The following MNAT1 variants were observed in gnomAD, a reference collection of about 807,000 sequenced individuals.
The protein encoded by MNAT1 is MNAT1 component of CDK activating kinase, also known as CDK-activating kinase assembly factor MAT1.
MNAT1 carries 43 observed loss-of-function variants against 42.0 expected under a neutral mutation model. The observed-to-expected ratio is 1.02, with a 90% CI of 0.80 to 1.32. MNAT1 has a LOEUF of 1.32. MNAT1 is among the 40% of genes most tolerant of loss of function. MNAT1 has a pLI of 0.00. For synonymous variants in MNAT1, 118 were observed against 120.0 expected, an observed-to-expected ratio of 0.98 and a Z score of 0.11; for missense variants, 306 against 350.4, an observed-to-expected ratio of 0.87 and a Z score of 1.01.
At chr14:60,904,993 TG>T (rs1281871469) in intron 7 of MNAT1, among the ~76,000 whole-genome samples, 23 of 141,746 alleles carry the variant, frequency 1.6e-4, no homozygotes, top group East Asian at 4.0e-4. Flanking sequence ...TTTTTTTTTT[TG>T]GACGGAGTCT....
At chr14:60,793,619 T>C (rs1401104220) in intron 1 of MNAT1, among the ~76,000 whole-genome samples, 3 of 152,140 alleles carry the variant, frequency 2.0e-5, no homozygotes, top group Non-Finnish European at 4.4e-5. Context: ...GCTATCTTCC[T>C]GCTTTGCCCT....
intron 1 of MNAT1, among the ~76,000 whole-genome samples, chr14:60,758,495 G>A (rs184277036): frequency 1.7e-3 from 255 of 151,920 alleles, no homozygotes; most frequent in Non-Finnish European, 2.9e-3. Flanking sequence ...GAGCCACGTT[G>A]CCTGGTCCAC....
At chr14:60,816,722 A>G (rs1289849264) in intron 5 of MNAT1, among the ~76,000 whole-genome samples, 2 of 152,004 alleles carry the variant, frequency 1.3e-5, no homozygotes, top group Non-Finnish European at 1.5e-5. Flanking sequence ...CACATAGTTT[A>G]TTTTACTCCA....
intron 7 of MNAT1, among the ~76,000 whole-genome samples, chr14:60,894,505 T>C (rs182706643): frequency 2.6e-5 from 4 of 152,282 alleles, no homozygotes; most frequent in Non-Finnish European, 5.9e-5. Context: ...TAAATAAACT[T>C]GGGCAACACT....
At chr14:60,928,577 T>A (rs1237971406) in intron 7 of MNAT1, among the ~76,000 whole-genome samples, 1 of 152,204 alleles carries the variant, frequency 6.6e-6, no homozygotes, top group Non-Finnish European at 1.5e-5. Flanking sequence ...TTAATTTGTC[T>A]TTCCCTCATG....
chr14:60,782,574 T>C (rs2031501664), intron 1 of MNAT1, among the ~76,000 whole-genome samples: 1 of 152,208 alleles, frequency 6.6e-6, no homozygotes, highest in Admixed American at 6.5e-5. Context: ...TGGGTATTCC[T>C]TGTATTAAGT....
chr14:60,785,828 A>G (rs1250198506), intron 1 of MNAT1, among the ~76,000 whole-genome samples: 2 of 152,218 alleles, frequency 1.3e-5, no homozygotes, highest in Non-Finnish European at 2.9e-5. Context: ...CCAACTGTTT[A>G]GCTTAAATAT....
intron 7 of MNAT1, among the ~76,000 whole-genome samples, chr14:60,897,993 T>C (rs1212722424): frequency 6.6e-6 from 1 of 152,124 alleles, no homozygotes; most frequent in Non-Finnish European, 1.5e-5. Flanking sequence ...AAGTTGTCTT[T>C]CTGTGTCTGA....
At chr14:60,812,786 G>A (rs1594772409) in intron 5 of MNAT1, among the ~76,000 whole-genome samples, 4 of 152,126 alleles carry the variant, frequency 2.6e-5, no homozygotes, top group Admixed American at 6.5e-5. Context: ...ACCTGACTTC[G>A]GGGAAGACGA....
At chr14:60,751,654 A>G (rs553098121) in intron 1 of MNAT1, among the ~76,000 whole-genome samples, 1 of 152,066 alleles carries the variant, frequency 6.6e-6, no homozygotes, top group East Asian at 1.9e-4. Context: ...TACATGTACA[A>G]ACAAATATAT....
intron 1 of MNAT1, among the ~76,000 whole-genome samples, chr14:60,774,226 G>A (rs1012688543): frequency 2.0e-5 from 3 of 152,198 alleles, no homozygotes; most frequent in African/African-American, 7.2e-5. Flanking sequence ...CTAAAGAGGT[G>A]ACATTTGATT....
chr14:60,820,792 TAAAC>T (rs948568430), intron 6 of MNAT1, among the ~76,000 whole-genome samples: 2 of 152,108 alleles, frequency 1.3e-5, no homozygotes, highest in African/African-American at 4.8e-5. Context: ...TGATGGTAAA[TAAAC>T]AATATTAAAC....
chr14:60,788,884 T>C lies in MNAT1; in HGVS notation c.90-7333T>C, dbSNP rs142192396. Reference sequence around the variant, plus strand: ...GATCTTTTATCCAGACCACTGAAACTTTCTCTGTATAAATGATAAGACTGT... The same window carrying C: ...GATCTTTTATCCAGACCACTGAAACCTTCTCTGTATAAATGATAAGACTGT... On this transcript the variant is annotated intron_variant, in intron 1 of 7. Transcript: ENST00000261245. Among the ~76,000 whole-genome samples the C allele has an allele frequency of 4.5e-3, 678 of 152,320 alleles. 9 individuals are homozygous for C. Among genetic ancestry groups the C allele is most frequent in the African/African-American group, 0.015 (606 of 41,578 alleles).
At chr14:60,898,809 T>G (rs561539873) in intron 7 of MNAT1, among the ~76,000 whole-genome samples, 16 of 152,286 alleles carry the variant, frequency 1.1e-4, no homozygotes, top group African/African-American at 3.8e-4. Context: ...GCTTTTGAGG[T>G]CTTAGCCATA....
At chr14:60,967,759 A>T (rs1466921155) in intron 7 of MNAT1, among the ~76,000 whole-genome samples, 3 of 152,236 alleles carry the variant, frequency 2.0e-5, no homozygotes, top group African/African-American at 7.2e-5. Context: ...CTTTTGAAGT[A>T]ACTCATACGT....
intron 7 of MNAT1, among the ~76,000 whole-genome samples, chr14:60,948,040 A>G (rs536335723): frequency 2.6e-5 from 4 of 152,160 alleles, no homozygotes; most frequent in Admixed American, 6.5e-5. Flanking sequence ...TCTTTCTCCA[A>G]TCTATCTTTT....
At chr14:60,868,914 G>T (rs914614028) in intron 6 of MNAT1, among the ~76,000 whole-genome samples, 1 of 151,170 alleles carries the variant, frequency 6.6e-6, no homozygotes, top group Non-Finnish European at 1.5e-5. Flanking sequence ...AATTGTTTAC[G>T]CTTAGTAAGA....
intron 6 of MNAT1, among the ~76,000 whole-genome samples, chr14:60,846,173 C>A (rs578112363): frequency 1.0e-3 from 154 of 150,996 alleles, no homozygotes; most frequent in Non-Finnish European, 1.7e-3. Flanking sequence ...ATTCCTTTTT[C>A]TTTTTCCTTC....
At chr14:60,890,064 G>C (rs371803736) in intron 7 of MNAT1, among the ~76,000 whole-genome samples, 91 of 152,254 alleles carry the variant, frequency 6.0e-4, no homozygotes, top group Middle Eastern at 6.8e-3. Context: ...GGATCTAGAA[G>C]TAGAAATACC....
Sources: gnomAD v4.1 joint callset for allele counts (sites outside exome capture counted in the v4.1 genomes callset) on GRCh38, gnomAD v4.1.1 for gene constraint, MANE v1.5 for transcripts, NCBI Gene and HGNC (gene_info 2026-07-23, HGNC 2026-07-21) for gene names.